The following DCC variants were observed in gnomAD, a reference collection of about 807,000 sequenced individuals.
DCC encodes DCC netrin 1 receptor, also known as netrin receptor DCC.
A neutral mutation model predicts 172.5 loss-of-function variants in DCC; 58 were observed. The observed-to-expected ratio is 0.34, with a 90% CI of 0.27 to 0.42. The LOEUF (loss-of-function observed/expected upper bound fraction) is 0.42. Ranked by LOEUF, DCC falls within the 10% of genes least tolerant of loss-of-function variation. The probability of loss-of-function intolerance (pLI) is 1.00; values close to 1 mark genes in which losing one functional copy is unlikely to be tolerated. For missense variants in DCC, 1,740 were observed against 1,791.0 expected (o/e 0.97, Z 0.51); for synonymous variants, 709 against 644.5 (o/e 1.10, Z -1.52).
chr18:52,784,557 C>T (rs1469952819), intron 2 of DCC, among the ~76,000 whole-genome samples: 2 of 151,962 alleles, frequency 1.3e-5, no homozygotes, highest in Admixed American at 1.3e-4. Flanking sequence ...CAATTTTTCT[C>T]TACATGTTTG....
chr18:52,679,567 C>T (rs1010409246), intron 1 of DCC, among the ~76,000 whole-genome samples: 1 of 152,232 alleles, frequency 6.6e-6, no homozygotes, highest in African/African-American at 2.4e-5. Flanking sequence ...CTGTTTATCT[C>T]TGATTGAGCA....
chr18:52,707,571 C>T (rs1364414029), intron 1 of DCC, among the ~76,000 whole-genome samples: 1 of 152,174 alleles, frequency 6.6e-6, no homozygotes, highest in Non-Finnish European at 1.5e-5. Flanking sequence ...GTTCCATGTT[C>T]ATTCAAGGGC....
chr18:53,058,447 C>A (rs1037381267), intron 5 of DCC, among the ~76,000 whole-genome samples: 6 of 151,870 alleles, frequency 4.0e-5, no homozygotes, highest in Non-Finnish European at 8.8e-5. Context: ...ATGGTACTTC[C>A]CATTACCCTT....
intron 5 of DCC, among the ~76,000 whole-genome samples, chr18:53,055,944 A>T (rs1382553993): frequency 6.6e-6 from 1 of 152,132 alleles, no homozygotes; most frequent in Admixed American, 6.6e-5. Flanking sequence ...ATCGGGTTGC[A>T]TTTCTCATCT....
At chr18:52,466,513 C>G (rs766340277) in intron 1 of DCC, among the ~76,000 whole-genome samples, 2 of 152,084 alleles carry the variant, frequency 1.3e-5, no homozygotes, top group Non-Finnish European at 2.9e-5. Flanking sequence ...TTTAAAGGAA[C>G]AGTTGAAGAA....
intron 1 of DCC, among the ~76,000 whole-genome samples, chr18:52,410,485 T>C (rs1209028281): frequency 6.6e-6 from 1 of 152,140 alleles, no homozygotes; most frequent in Non-Finnish European, 1.5e-5. Context: ...GGTGTTTTTG[T>C]TCCCCCCATA....
intron 12 of DCC, among the ~76,000 whole-genome samples, chr18:53,222,837 G>A (rs1490541421): frequency 6.6e-6 from 1 of 152,028 alleles, no homozygotes; most frequent in Non-Finnish European, 1.5e-5. Context: ...CATTTTAGAT[G>A]AAATACAGCC....
At chr18:52,895,882 T>C (rs1162624010) in intron 2 of DCC, among the ~76,000 whole-genome samples, 3 of 152,130 alleles carry the variant, frequency 2.0e-5, no homozygotes, top group Non-Finnish European at 4.4e-5. Flanking sequence ...CCTCCTGGGC[T>C]CAAGTGATTC....
At chr18:53,500,756 A>G (rs548452642) in intron 27 of DCC, among the ~76,000 whole-genome samples, 3 of 151,922 alleles carry the variant, frequency 2.0e-5, no homozygotes, top group African/African-American at 4.8e-5. Flanking sequence ...ACGTTCCACT[A>G]TGGAGTCTTC....
intron 1 of DCC, among the ~76,000 whole-genome samples, chr18:52,497,022 G>C (rs1417727203): frequency 6.6e-6 from 1 of 151,574 alleles, no homozygotes; most frequent in Non-Finnish European, 1.5e-5. Context: ...GGGAAGTTAA[G>C]GCAGGAGGGT....
intron 14 of DCC, among the ~76,000 whole-genome samples, chr18:53,337,523 T>C (rs73957156): frequency 0.03 from 4,614 of 152,330 alleles, 261 homozygotes; most frequent in African/African-American, 0.1. Flanking sequence ...GTTTCTGCTG[T>C]TAAGGCTTAT....
chr18:53,339,738 C>G lies in DCC; in HGVS notation c.2190C>G (p.Ser730Arg), dbSNP rs374304824. The G allele has an allele frequency of 5.0e-6, 8 of 1,613,844 alleles. No individual in the cohort carries two copies. Among genetic ancestry groups the G allele is most frequent in the Non-Finnish European group, 6.8e-6 (8 of 1,179,944 alleles). Residue 730 changes from serine to arginine, a missense_variant, in exon 15 of 29, where the codon AGC becomes AGG. By Grantham distance (110) the Ser-to-Arg change is moderately radical (BLOSUM62 -1). Transcript: ENST00000442544. The stretch of plus-strand genomic sequence containing the variant: ...AATCTCAAGTTCCTGATCAACCAAG[C>G]TCTCTTCATGTGAGGCCCCAGACTA... The part of the protein sequence containing the change: ...LDESQVPDQP[S>R]SLHVRPQTNC...
intron 5 of DCC, among the ~76,000 whole-genome samples, chr18:52,979,977 G>A (rs948669232): frequency 2.6e-5 from 4 of 152,142 alleles, no homozygotes; most frequent in African/African-American, 9.7e-5. Context: ...AAAGGAGAGG[G>A]GATGTGAGTT....
intron 27 of DCC, among the ~76,000 whole-genome samples, chr18:53,515,306 A>G (rs1027565296): frequency 3.3e-5 from 5 of 151,042 alleles, no homozygotes; most frequent in African/African-American, 1.2e-4. Context: ...TTTCCAAATA[A>G]TAAGAGCTAT....
intron 9 of DCC, among the ~76,000 whole-genome samples, chr18:53,188,957 T>G (rs143913402): frequency 7.8e-4 from 119 of 152,298 alleles, no homozygotes; most frequent in Middle Eastern, 3.4e-3. Flanking sequence ...AACCTTGTCT[T>G]AACTAATTAT....
At chr18:53,297,595 T>A (rs755315305) in intron 12 of DCC, among the ~76,000 whole-genome samples, 1 of 152,196 alleles carries the variant, frequency 6.6e-6, no homozygotes, top group Non-Finnish European at 1.5e-5. Flanking sequence ...GGGTTGCCTA[T>A]GAAAGCTAGG....
chr18:53,205,194 T>C (rs2055605307), intron 9 of DCC, 22 bp from the exon 10 acceptor site: 1 of 1,604,622 alleles, frequency 6.2e-7, no homozygotes. Flanking sequence ...TTTCTTTCTT[T>C]CTTTATTATT....
intron 5 of DCC, among the ~76,000 whole-genome samples, chr18:52,959,995 G>A (rs2040815901): frequency 6.6e-6 from 1 of 151,980 alleles, no homozygotes; most frequent in African/African-American, 2.4e-5. Flanking sequence ...CTTCATGCTA[G>A]ACACTGAAAT....
chr18:53,513,658 G>A (rs12457084), intron 27 of DCC, among the ~76,000 whole-genome samples: 7 of 151,886 alleles, frequency 4.6e-5, no homozygotes, highest in Middle Eastern at 3.4e-3. Flanking sequence ...GGCAGGGGTT[G>A]CAATCCTAGT....
Sources: gnomAD v4.1 joint callset for allele counts (sites outside exome capture counted in the v4.1 genomes callset) on GRCh38, gnomAD v4.1.1 for gene constraint, MANE v1.5 for transcripts, NCBI Gene and HGNC (gene_info 2026-07-23, HGNC 2026-07-21) for gene names.